Variants in CEP112 observed in about 807,000 individuals in gnomAD.
The protein encoded by CEP112 is centrosomal protein of 112 kDa.
A neutral mutation model predicts 153.0 loss-of-function variants in CEP112; 127 were observed. The observed-to-expected ratio is 0.83, with a 90% CI of 0.72 to 0.96. The LOEUF (loss-of-function observed/expected upper bound fraction) is 0.96. Among genes scored for constraint, CEP112 ranks in the 40% least tolerant of loss-of-function variants. CEP112 has a pLI of 0.00. For synonymous variants in CEP112, 358 were observed against 374.4 expected, an observed-to-expected ratio of 0.96 and a Z score of 0.51; for missense variants, 1,089 against 1,101.2, an observed-to-expected ratio of 0.99 and a Z score of 0.16.
intron 18 of CEP112, 21 bp from the exon 19 acceptor site, chr17:65,927,710 A>G: frequency 7.0e-7 from 1 of 1,431,192 alleles, no homozygotes; most frequent in Non-Finnish European, 9.4e-7. Context: ...TAAAAATCAA[A>G]TATTAATTTT....
chr17:65,767,316 C>A (rs8071561), intron 21 of CEP112, among the ~76,000 whole-genome samples: 2 of 151,734 alleles, frequency 1.3e-5, no homozygotes, highest in Non-Finnish European at 2.9e-5. Context: ...AAAAGAAAAA[C>A]TGAAAACGAT....
chr17:66,167,654 T>C (rs1472401344), intron 4 of CEP112, among the ~76,000 whole-genome samples: 1 of 152,152 alleles, frequency 6.6e-6, no homozygotes, highest in East Asian at 1.9e-4. Flanking sequence ...AAAACTGAAA[T>C]TTCCATATTT....
At chr17:66,110,032 C>T (rs1331336490) in intron 6 of CEP112, among the ~76,000 whole-genome samples, 1 of 152,120 alleles carries the variant, frequency 6.6e-6, no homozygotes, top group Non-Finnish European at 1.5e-5. Flanking sequence ...TGGTGGCAGA[C>T]ACCTGTAGTC....
At chr17:65,995,443 G>A (rs7219911) in intron 17 of CEP112, among the ~76,000 whole-genome samples, 151,537 of 152,242 alleles carry the variant, frequency 1, 75,420 homozygotes, top group Middle Eastern at 1. Flanking sequence ...TCCAGATAGC[G>A]GCTCCCTTGG....
At chr17:65,768,083 T>G (rs1308753077) in intron 21 of CEP112, among the ~76,000 whole-genome samples, 1 of 152,084 alleles carries the variant, frequency 6.6e-6, no homozygotes, top group Admixed American at 6.6e-5. Flanking sequence ...CATGTAACAT[T>G]TGACTACCCC....
intron 19 of CEP112, among the ~76,000 whole-genome samples, chr17:65,926,434 C>A (rs977961660): frequency 6.6e-6 from 1 of 152,130 alleles, no homozygotes; most frequent in Admixed American, 6.5e-5. Flanking sequence ...CTCTTCAGGC[C>A]GGGTGTGGTG....
chr17:65,878,198 A>AG (rs2058910850), intron 20 of CEP112, among the ~76,000 whole-genome samples: 1 of 152,130 alleles, frequency 6.6e-6, no homozygotes, highest in Non-Finnish European at 1.5e-5. Context: ...TTGCAAAAAA[A>AG]GAAGGAAGGA....
At chr17:65,646,408 A>G (rs1266630956) in intron 24 of CEP112, among the ~76,000 whole-genome samples, 2 of 152,218 alleles carry the variant, frequency 1.3e-5, no homozygotes, top group Admixed American at 6.5e-5. Flanking sequence ...CAAATGCTCA[A>G]TTTAAAAATC....
chr17:65,749,448 C>T (rs905196026), intron 22 of CEP112, among the ~76,000 whole-genome samples: 4 of 151,942 alleles, frequency 2.6e-5, no homozygotes, highest in Non-Finnish European at 4.4e-5. Flanking sequence ...GTGGAGCTTG[C>T]AGTGAGCCGA....
intron 24 of CEP112, among the ~76,000 whole-genome samples, chr17:65,679,473 T>C (rs1414116252): frequency 6.6e-6 from 1 of 152,168 alleles, no homozygotes; most frequent in African/African-American, 2.4e-5. Flanking sequence ...GGATGAAACA[T>C]AGCTTTGAGT....
At position 65,681,161 on chromosome 17, in the gene CEP112, C is replaced by T. The variant is rs78771274; in HGVS notation, c.2697+7968G>A. 4.5e-3 allele frequency among the ~76,000 whole-genome samples: 689 copies of T among 152,240 alleles called. 6 individuals carry two copies. Among genetic ancestry groups the T allele is most frequent in the African/African-American group, 0.016 (653 of 41,534 alleles). Reference sequence around the variant, plus strand: ...TTACAGAGTGATTCAATTCAACAAGCGCTGGTGGATGCCATGAAGATGACA... The same window carrying T: ...TTACAGAGTGATTCAATTCAACAAGTGCTGGTGGATGCCATGAAGATGACA... On this transcript the variant is annotated intron_variant, in intron 24 of 26. Transcript: ENST00000535342.
intron 20 of CEP112, among the ~76,000 whole-genome samples, chr17:65,900,728 G>A (rs1004693747): frequency 2.6e-5 from 4 of 152,098 alleles, no homozygotes; most frequent in Non-Finnish European, 5.9e-5. Context: ...AAGAGAATAT[G>A]AACTAGACAA....
intron 23 of CEP112, among the ~76,000 whole-genome samples, chr17:65,690,883 G>A (rs1009733452): frequency 1.3e-5 from 2 of 152,124 alleles, no homozygotes; most frequent in Non-Finnish European, 2.9e-5. Context: ...GGAAGTTGCT[G>A]GGGGGTGGGG....
chr17:66,148,479 C>T (rs1159594685), intron 4 of CEP112, among the ~76,000 whole-genome samples: 1 of 152,136 alleles, frequency 6.6e-6, no homozygotes, highest in African/African-American at 2.4e-5. Context: ...TTAAGTCTTC[C>T]AATCCATGAA....
At chr17:65,876,890 TTTTCGATA>T (rs2058847966) in intron 20 of CEP112, among the ~76,000 whole-genome samples, 1 of 152,172 alleles carries the variant, frequency 6.6e-6, no homozygotes, top group Admixed American at 6.5e-5. Context: ...TATTATATCA[TTTTCGATA>T]TTTCAGTTTT....
At chr17:66,032,368 A>AG (rs1323597204) in intron 12 of CEP112, among the ~76,000 whole-genome samples, 1 of 140,262 alleles carries the variant, frequency 7.1e-6, no homozygotes, top group African/African-American at 2.6e-5. Flanking sequence ...AAAAAAAAAA[A>AG]CTCAGAAAAG....
At chr17:65,970,073 C>T (rs1024708309) in intron 17 of CEP112, among the ~76,000 whole-genome samples, 12 of 152,332 alleles carry the variant, frequency 7.9e-5, no homozygotes, top group African/African-American at 2.9e-4. Context: ...GTATTGCAAA[C>T]ATGCATGCCA....
chr17:66,033,385 C>A (rs9911221), intron 12 of CEP112, among the ~76,000 whole-genome samples: 141,009 of 152,230 alleles, frequency 0.93, 65,543 homozygotes, highest in East Asian at 0.97. Flanking sequence ...TTAATCAGAC[C>A]TGTCACTCTC....
At position 65,970,190 on chromosome 17, in the gene CEP112, T is replaced by A. The variant is rs566685430; in HGVS notation, c.1737-8592A>T. On this transcript the variant is annotated intron_variant, in intron 17 of 26. Coordinates refer to ENST00000535342, the MANE Select transcript of CEP112 (RefSeq NM_001199165.4). Reference sequence around the variant, plus strand: ...GCATATTACATTTGTATTACATGCATATATGCTGCATGCATGTCATGCATG... The same window carrying A: ...GCATATTACATTTGTATTACATGCAAATATGCTGCATGCATGTCATGCATG... Among the ~76,000 whole-genome samples the A allele has an allele frequency of 3.9e-5, 5 of 129,290 alleles. No homozygotes were observed. The East Asian group carries it at 2.3e-3, about 60-fold the overall frequency. The allele number at this position is 129,290 out of a possible 152,430, so 84.8% of individuals were successfully genotyped here.
Sources: allele counts gnomAD v4.1 joint callset (sites outside exome capture counted in the v4.1 genomes callset), GRCh38; gene constraint gnomAD v4.1.1; transcripts MANE v1.5; gene names NCBI Gene and HGNC (gene_info 2026-07-23, HGNC 2026-07-21).